Variants in CPSF4 observed in about 807,000 individuals in gnomAD.
CPSF4 encodes cleavage and polyadenylation specific factor 4, also known as cleavage and polyadenylation specificity factor subunit 4.
A neutral mutation model predicts 37.7 loss-of-function variants in CPSF4; 11 were observed. That is an observed-to-expected ratio of 0.29 (90% confidence interval 0.18 to 0.48). CPSF4 has a LOEUF of 0.48. CPSF4 is among the 20% of genes least tolerant of loss of function. CPSF4 has a pLI of 0.99. For synonymous variants in CPSF4, 132 were observed against 135.9 expected (o/e 0.97, Z 0.20); for missense variants, 144 against 359.5 (o/e 0.40, Z 4.85).
At chr7:99,447,972 G>A (rs1159560258) in intron 2 of CPSF4, 149 bp from the exon 3 acceptor site, 1 of 682,678 alleles carries the variant, frequency 1.5e-6, no homozygotes, top group East Asian at 2.7e-5. Context: ...GTTGCCTTCT[G>A]TGAGGGGGAC....
At position 99,450,358 on chromosome 7, in the gene CPSF4, C is replaced by G. The variant is rs1322601193; in HGVS notation, c.390C>G (p.Gly130=). The change falls in exon 4 of 8, where the codon GGC becomes GGG. Residue 130 remains glycine, a synonymous_variant. Coordinates refer to ENST00000292476, the MANE Select transcript of CPSF4 (RefSeq NM_006693.4). The part of the protein sequence containing the change: ...KIKDCPWYDR[G]FCKHGPLCRH... Reference sequence around the variant, plus strand: ...AGGACTGTCCTTGGTATGACCGTGGCTTCTGCAAGCACGGTAGGTGCCAGG... The same window carrying G: ...AGGACTGTCCTTGGTATGACCGTGGGTTCTGCAAGCACGGTAGGTGCCAGG... 6.2e-7 allele frequency: 1 copy of G among 1,612,298 alleles called. No homozygotes were observed. The highest frequency in any genetic ancestry group is 1.1e-5 in the South Asian group (1 of 91,016).
In CPSF4 at chr7:99,452,397, C is replaced by G; in HGVS notation, c.527C>G (p.Thr176Ser). The stretch of plus-strand genomic sequence containing the variant: ...CGATTTGAACTGCCCATGGGAACCA[C>G]CGAGCAGCCCCCACTGCCGCAGCAG... The part of the protein sequence containing the change: ...HPRFELPMGT[T>S]EQPPLPQQTQ... The change falls in exon 6 of 8, where the codon ACC (threonine) becomes AGC (serine). Residue 176 changes from threonine (T) to serine (S), a missense_variant. By Grantham distance (58) the Thr-to-Ser change is moderately conservative. Coordinates refer to ENST00000292476, the MANE Select transcript of CPSF4 (RefSeq NM_006693.4). 1 of 1,614,036 alleles carries G rather than the reference C, an allele frequency of 6.2e-7. No homozygotes were observed.
intron 7 of CPSF4, 129 bp from the exon 8 acceptor site, chr7:99,456,303 C>A: frequency 1.3e-6 from 1 of 773,728 alleles, no homozygotes; most frequent in Non-Finnish European, 2.2e-6. Flanking sequence ...CTGAGAATTT[C>A]AGAGTCATGT....
chr7:99,454,536 CT>C (rs1256994822), intron 7 of CPSF4, among the ~76,000 whole-genome samples: 5 of 152,176 alleles, frequency 3.3e-5, no homozygotes, highest in Non-Finnish European at 7.3e-5. Flanking sequence ...TACAGCACCC[CT>C]GTCCCCATCC....
intron 1 of CPSF4, chr7:99,439,628 C>G (rs542546095): frequency 7.0e-5 from 11 of 157,510 alleles, no homozygotes; most frequent in Admixed American, 4.5e-4. Context: ...CTTGTCTGTT[C>G]GCTTAATTCT....
In CPSF4 at chr7:99,438,949, C is replaced by T. The variant is rs1324139896; in HGVS notation, c.-134C>T. 2.2e-6 allele frequency: 3 copies of T among 1,358,194 alleles called. No individual in the cohort carries two copies. The highest frequency in any genetic ancestry group is 3.2e-5 in the South Asian group (2 of 62,426). The allele number at this position is 1,358,194 out of a possible 1,614,324, so 84.1% of individuals were successfully genotyped here. On this transcript the variant is annotated 5_prime_UTR_variant, in exon 1 of 8. Coordinates refer to ENST00000292476, the MANE Select transcript of CPSF4 (RefSeq NM_006693.4). Reference sequence around the variant, plus strand: ...GCGGGCTCCGGGCGCTCCCGGCATCCCTCGGGCGGCGGCGGCGGCGGCGGC... The same window carrying T: ...GCGGGCTCCGGGCGCTCCCGGCATCTCTCGGGCGGCGGCGGCGGCGGCGGC...
intron 1 of CPSF4, among the ~76,000 whole-genome samples, chr7:99,441,187 A>G (rs899585943): frequency 2.0e-5 from 3 of 151,722 alleles, no homozygotes; most frequent in African/African-American, 4.8e-5. Context: ...CTGACCTTAA[A>G]TGATCCACCT....
intron 1 of CPSF4, chr7:99,442,990 T>G: frequency 6.3e-7 from 1 of 1,578,314 alleles, no homozygotes; most frequent in South Asian, 1.1e-5. Context: ...TCCTTCCTCT[T>G]TTTCAGTTTC....
At chr7:99,440,674 A>ATATATT in intron 1 of CPSF4, among the ~76,000 whole-genome samples, 35 of 88,082 alleles carry the variant, frequency 4.0e-4, no homozygotes, top group African/African-American at 2.9e-3. Flanking sequence ...ATATATATAT[A>ATATATT]TTTTTTTTTT....
intron 1 of CPSF4, 163 bp downstream of exon 1, chr7:99,439,348 G>C (rs1464843519): frequency 5.5e-6 from 3 of 546,628 alleles, no homozygotes; most frequent in Non-Finnish European, 9.6e-6. Flanking sequence ...TCTAGGTCTT[G>C]AGAGTCCCTC....
chr7:99,452,461 C>T (rs746292107), intron 6 of CPSF4, 21 bp downstream of exon 6: 20 of 1,605,514 alleles, frequency 1.2e-5, no homozygotes, highest in African/African-American at 2.7e-5. Flanking sequence ...TGGCCTTCCT[C>T]GGTAGGAAGG....
chr7:99,444,688 G>A, intron 1 of CPSF4, 101 bp from the exon 2 acceptor site: 1 of 1,112,580 alleles, frequency 9.0e-7, no homozygotes, highest in African/African-American at 1.6e-5. Context: ...CTGAACCCTT[G>A]GTGGGTCAGA....
intron 2 of CPSF4, among the ~76,000 whole-genome samples, chr7:99,447,226 G>A (rs923676919): frequency 6.7e-6 from 1 of 150,348 alleles, no homozygotes; most frequent in Non-Finnish European, 1.5e-5. Flanking sequence ...TAGGATCATA[G>A]ATTTGAGCTC....
Position 99,448,472 on chromosome 7 carries a change from T to TTTTTTTTTAAAGACATAGGGTCTCGCTA in CPSF4, c.307+201_307+228dup, listed in dbSNP as rs1797699269. 2 of 566,776 alleles carry TTTTTTTTTAAAGACATAGGGTCTCGCTA rather than the reference T, an allele frequency of 3.5e-6. No homozygotes were observed. Among genetic ancestry groups the TTTTTTTTTAAAGACATAGGGTCTCGCTA allele is most frequent in the African/African-American group, 3.9e-5 (2 of 51,854 alleles). The allele number at this position is 566,776 out of a possible 1,614,324, so 35.1% of individuals were successfully genotyped here. A position where few individuals can be genotyped will look rare whatever the true frequency, so the allele number is the denominator to read the frequency against. On this transcript the variant is annotated intron_variant, in intron 3 of 7. Coordinates refer to ENST00000292476, the MANE Select transcript of CPSF4 (RefSeq NM_006693.4). This position sits in a 1 kb window ranked among gnomAD's most constrained non-coding sequence, Gnocchi z 4.4. ...TTCTGCTCATCTCTTTTTTTTTTTT[T>TTTTTTTTTAAAGACATAGGGTCTCGCTA]TTTTTTTTAAAGACATAGGGTCTCG...
In CPSF4 at chr7:99,439,026, C is replaced by G. The variant is rs11539770; in HGVS notation, c.-57C>G. 74,701 of 1,517,174 alleles carry G rather than the reference C, an allele frequency of 0.049. 5,748 individuals are homozygous for G. Among genetic ancestry groups the G allele is most frequent in the East Asian group, 0.3 (12,062 of 40,626 alleles). 94.0% of individuals were successfully genotyped at this position (1,517,174 alleles called of 1,614,324 possible). On this transcript the variant is annotated 5_prime_UTR_variant, in exon 1 of 8. Coordinates refer to ENST00000292476, the MANE Select transcript of CPSF4 (RefSeq NM_006693.4). ...CGGCGGGGCCGGCGGCGGGTAAAGG[C>G]GAGAAGGCTGCAGGAGACCGAGGGG... is the stretch of plus-strand genomic sequence containing the variant.
At chr7:99,456,282 ACT>A (rs1202551879) in intron 7 of CPSF4, 148 bp from the exon 8 acceptor site, 41 of 694,348 alleles carry the variant, frequency 5.9e-5, no homozygotes, top group Admixed American at 3.5e-4. Context: ...TTTGAAAGAA[ACT>A]CTGTACCACT....
In CPSF4 at chr7:99,456,858, G is replaced by A. The variant is rs770389307; in HGVS notation, c.*358G>A. The A allele has an allele frequency of 3.3e-5, 13 of 388,274 alleles. No homozygotes were observed. The highest frequency in any genetic ancestry group is 5.5e-5 in the Non-Finnish European group (11 of 201,538). The allele number at this position is 388,274 out of a possible 1,614,324, so 24.1% of individuals were successfully genotyped here. On this transcript the variant is annotated 3_prime_UTR_variant, in exon 8 of 8. Coordinates refer to ENST00000292476, the MANE Select transcript of CPSF4 (RefSeq NM_006693.4). ...TGGTCATTCCCCTCATTAAACACCA[G>A]TTCTTGGTGACGCCAGGGGCTGGTA...
intron 3 of CPSF4, 46 bp from the exon 4 acceptor site, chr7:99,450,224 GTGGGCC>G: frequency 7.0e-7 from 1 of 1,430,862 alleles, no homozygotes. Flanking sequence ...TGAAGCCAAG[GTGGGCC>G]TGGCCCCGGC....
chr7:99,439,774 GTGC>G (rs1796722007), intron 1 of CPSF4, among the ~76,000 whole-genome samples: 1 of 152,138 alleles, frequency 6.6e-6, no homozygotes, highest in African/African-American at 2.4e-5. Context: ...TGGAGGAGAT[GTGC>G]TGAGGGAAGG....
Sources: gnomAD v4.1 joint callset for allele counts (sites outside exome capture counted in the v4.1 genomes callset) on GRCh38, gnomAD v4.1.1 for gene constraint, Gnocchi (gnomAD v3.1) non-coding constraint, MANE v1.5 for transcripts, NCBI Gene and HGNC (gene_info 2026-07-23, HGNC 2026-07-21) for gene names.